THAP10: variants seen among roughly 807,000 people sequenced by gnomAD.
THAP10 encodes THAP domain containing 10.
In THAP10, 10 loss-of-function variants were observed where a neutral mutation model predicts 15.7. The observed-to-expected ratio is 0.64, with a 90% confidence interval of 0.39 to 1.08. The LOEUF is 1.08. THAP10 is among the 50% of genes least tolerant of loss of function. The probability of loss-of-function intolerance (pLI) is 0.01; values close to 1 mark genes in which losing one functional copy is unlikely to be tolerated. For missense variants in THAP10, 310 were observed against 330.9 expected (o/e 0.94, Z 0.49); for synonymous variants, 127 against 129.1 (o/e 0.98, Z 0.11).
At chr15:70,887,606 CAA>C (rs150550614) in intron 1 of THAP10, among the ~76,000 whole-genome samples, 3,375 of 152,008 alleles carry the variant, frequency 0.022, 135 homozygotes, top group African/African-American at 0.076. Flanking sequence ...CTTTTTATTA[CAA>C]AGAGAGCTAT....
Position 70,882,864 on chromosome 15 carries a change from A to C in THAP10, c.474T>G (p.Asp158Glu). The C allele has an allele frequency of 6.2e-7, 1 of 1,614,202 alleles. No homozygotes were observed. The highest frequency in any genetic ancestry group is 8.5e-7 in the Non-Finnish European group (1 of 1,180,016). ...CTGAAGTGACAGTATTAGATGGATT[A>C]TCAGCATGGGGTTGGGTTTGCACAA... is the stretch of plus-strand genomic sequence containing the variant. ...NELVQTQPHADNPSNTVTSVP... is the reference protein window; with the variant it reads ...NELVQTQPHAENPSNTVTSVP... Residue 158 changes from aspartate to glutamate, a missense_variant, in exon 2 of 3, where the codon GAT becomes GAG. Asp to Glu is a conservative substitution (Grantham distance 45, BLOSUM62 2). Transcript: ENST00000249861.
chr15:70,891,253 G>A (rs1481923746), intron 1 of THAP10, among the ~76,000 whole-genome samples: 1 of 152,192 alleles, frequency 6.6e-6, no homozygotes, highest in African/African-American at 2.4e-5. Context: ...GTAGGCAGAA[G>A]AGAGCAAGAT....
At chr15:70,884,330 C>T (rs1595980253) in intron 1 of THAP10, among the ~76,000 whole-genome samples, 2 of 151,866 alleles carry the variant, frequency 1.3e-5, no homozygotes, top group Non-Finnish European at 1.5e-5. Context: ...GTCAGGAGTT[C>T]GAGATCAGCC....
Position 70,882,490 on chromosome 15 carries a change from AG to A in THAP10, c.737del (p.Ser246PhefsTer7). ...WDIKSEQSDL[S>X]YMAVQVKEET... ...CTTCTTTCACCTGTACAGCCATATAAGACAAATCACTCTGTTCACTCTTGAT... is the reference window on the plus strand; with the variant it reads ...CTTCTTTCACCTGTACAGCCATATAAACAAATCACTCTGTTCACTCTTGAT... On this transcript the variant is annotated frameshift_variant, in exon 3 of 3. Coordinates refer to ENST00000249861, the MANE Select transcript of THAP10 (RefSeq NM_020147.4). LOFTEE classifies it high-confidence loss of function. The A allele has an allele frequency of 6.2e-7, 1 of 1,613,612 alleles. No individual in the cohort carries two copies. The highest frequency in any genetic ancestry group is 1.1e-5 in the South Asian group (1 of 91,040).
At chr15:70,889,030 AC>A (rs2141090267) in intron 1 of THAP10, among the ~76,000 whole-genome samples, 1 of 152,264 alleles carries the variant, frequency 6.6e-6, no homozygotes, top group African/African-American at 2.4e-5. Context: ...ATTTTAGAAA[AC>A]TATTTGGTAT....
At position 70,892,227 on chromosome 15, in the gene THAP10, A is replaced by G. The variant is rs1191043402; in HGVS notation, c.46T>C (p.Ser16Pro). Residue 16 changes from serine to proline, a missense_variant, in exon 1 of 3, where the codon TCT becomes CCT. By Grantham distance (74) the Ser-to-Pro change is moderately conservative. Coordinates refer to ENST00000249861, the MANE Select transcript of THAP10 (RefSeq NM_020147.4). ...VAAHCGNTTKSGKSLFRFPKD... is the reference protein window; with the variant it reads ...VAAHCGNTTKPGKSLFRFPKD... ...GGAAAGCGGAACAGCGACTTCCCAG[A>G]CTTGGTGGTGTTGCCGCAGTGGGCG... 6.3e-7 allele frequency: 1 copy of G among 1,593,688 alleles called. No homozygotes were observed. The highest frequency in any genetic ancestry group is 8.6e-7 in the Non-Finnish European group (1 of 1,169,452).
At chr15:70,891,075 T>C (rs1448263234) in intron 1 of THAP10, among the ~76,000 whole-genome samples, 1 of 152,130 alleles carries the variant, frequency 6.6e-6, no homozygotes, top group Non-Finnish European at 1.5e-5. Context: ...TACAGACCCC[T>C]GAGGAAATTA....
chr15:70,891,109 C>A (rs1290982258), intron 1 of THAP10, among the ~76,000 whole-genome samples: 2 of 152,166 alleles, frequency 1.3e-5, no homozygotes. Context: ...ATAATTTAAT[C>A]TGTGTAATGG....
At chr15:70,889,409 G>C (rs775979472) in intron 1 of THAP10, among the ~76,000 whole-genome samples, 9 of 152,118 alleles carry the variant, frequency 5.9e-5, no homozygotes, top group Admixed American at 1.3e-4. Flanking sequence ...GAGGGGAGGG[G>C]CTGGATATGG....
At chr15:70,889,374 A>G (rs2033494525) in intron 1 of THAP10, among the ~76,000 whole-genome samples, 1 of 152,128 alleles carries the variant, frequency 6.6e-6, no homozygotes, top group Non-Finnish European at 1.5e-5. Flanking sequence ...CCCCAAAAAA[A>G]AGCAAACTTG....
intron 1 of THAP10, among the ~76,000 whole-genome samples, 189 bp downstream of exon 1, chr15:70,891,655 G>A (rs1208746816): frequency 6.7e-6 from 1 of 150,312 alleles, no homozygotes; most frequent in Non-Finnish European, 1.5e-5. Flanking sequence ...GGAATTAACT[G>A]GGTCACTTAA....
Position 70,892,372 on chromosome 15 carries a change from C to A in THAP10, c.-100G>T. The stretch of plus-strand genomic sequence containing the variant: ...GGCGAGGCAAGTCCTCCCCTCCTCA[C>A]CTGTCCACTCCGGGTCGGGATTGTT... On this transcript the variant is annotated 5_prime_UTR_variant, in exon 1 of 3. Transcript: ENST00000249861. The A allele has an allele frequency of 6.5e-7, 1 of 1,546,906 alleles. No homozygotes were observed. The highest frequency in any genetic ancestry group is 2.4e-5 in the East Asian group (1 of 40,868).
At chr15:70,885,302 G>A (rs184371586) in intron 1 of THAP10, among the ~76,000 whole-genome samples, 1 of 152,308 alleles carries the variant, frequency 6.6e-6, no homozygotes, top group East Asian at 1.9e-4. Flanking sequence ...AAATGGGGCA[G>A]ACGCAATATT....
chr15:70,886,948 CA>C, intron 1 of THAP10, among the ~76,000 whole-genome samples: 1 of 151,836 alleles, frequency 6.6e-6, no homozygotes, highest in South Asian at 2.1e-4. Context: ...TCAGCTCAAA[CA>C]GAATTTTTTT....
At position 70,882,115 on chromosome 15, in the gene THAP10, G is replaced by A. The variant is rs890701096; in HGVS notation, c.*339C>T. 9.8e-6 allele frequency: 2 copies of A among 203,630 alleles called. No homozygotes were observed. Among genetic ancestry groups the A allele is most frequent in the African/African-American group, 2.3e-5 (1 of 42,558 alleles). The allele number at this position is 203,630 out of a possible 1,614,324, so 12.6% of individuals were successfully genotyped here. ...TTCTAACTAGCAAATGTCAAGTCCT[G>A]TAGGAGCGTTGCTTCTGAACTAAGC... On this transcript the variant is annotated 3_prime_UTR_variant, in exon 3 of 3. Transcript: ENST00000249861.
rs750254280 is a variant in THAP10, at chr15:70,892,275, C to A, written c.-3G>T. The A allele has an allele frequency of 1.3e-6, 2 of 1,558,672 alleles. No homozygotes were observed. The highest frequency in any genetic ancestry group is 1.7e-6 in the Non-Finnish European group (2 of 1,151,018). ...GCGGCCACACAACGGGCCGGCATGG[C>A]GGCCGTCTTCGGTGCGCGGGAGCCG... On this transcript the variant is annotated 5_prime_UTR_variant, in exon 1 of 3. Transcript: ENST00000249861.
At position 70,891,353 on chromosome 15, in the gene THAP10, T is replaced by C. The variant is rs372594083; in HGVS notation, c.429+491A>G. 2.0e-4 allele frequency among the ~76,000 whole-genome samples: 30 copies of C among 152,224 alleles called. No individual in the cohort carries two copies. The East Asian group carries it at 5.8e-3, about 29-fold the overall frequency. On this transcript the variant is annotated intron_variant, in intron 1 of 2. Transcript: ENST00000249861. ...AGGAAGCTTGGGGTGGGAAGGGATT[T>C]ATTAGCAAGCTCCATCATCTTCATC...
rs1483455752 is a variant in THAP10, at chr15:70,892,306, C to T, written c.-34G>A. 6.4e-7 allele frequency: 1 copy of T among 1,550,966 alleles called. No homozygotes were observed. The highest frequency in any genetic ancestry group is 8.7e-7 in the Non-Finnish European group (1 of 1,147,336). ...TCTTCGGTGCGCGGGAGCCGGGTTCCCTGGACCTTCGCCCTTGGGCACGCT... is the reference window on the plus strand; with the variant it reads ...TCTTCGGTGCGCGGGAGCCGGGTTCTCTGGACCTTCGCCCTTGGGCACGCT... On this transcript the variant is annotated 5_prime_UTR_variant, in exon 1 of 3. Transcript: ENST00000249861.
Position 70,892,182 on chromosome 15 carries a change from G to T in THAP10, c.91C>A (p.Leu31Met). 2 of 1,610,324 alleles carry T rather than the reference G, an allele frequency of 1.2e-6. No individual in the cohort carries two copies. The highest frequency in any genetic ancestry group is 1.3e-5 in the African/African-American group (1 of 75,008). The stretch of plus-strand genomic sequence containing the variant: ...CCCCGCACGAAGCGGTCCCAGAGCA[G>T]CCGCACGGCCCGGTCCTTGGGAAAG... The part of the protein sequence containing the change: ...FRFPKDRAVR[L>M]LWDRFVRGCR... The change falls in exon 1 of 3, where the codon CTG becomes ATG. Residue 31 changes from leucine (L) to methionine (M), a missense_variant. Coordinates refer to ENST00000249861, the MANE Select transcript of THAP10 (RefSeq NM_020147.4).
Sources: allele counts gnomAD v4.1 joint callset (sites outside exome capture counted in the v4.1 genomes callset), GRCh38; gene constraint gnomAD v4.1.1; transcripts MANE v1.5; gene names NCBI Gene and HGNC (gene_info 2026-07-23, HGNC 2026-07-21).